FBLN1: variants seen among roughly 807,000 people sequenced by gnomAD.
The protein encoded by FBLN1 is fibulin-1.
In FBLN1, 34 loss-of-function variants were observed where a neutral mutation model predicts 89.7. That is an observed-to-expected ratio of 0.38 (90% CI 0.29 to 0.50). FBLN1 has a LOEUF of 0.50. Ranked by LOEUF, FBLN1 falls within the 20% of genes least tolerant of loss-of-function variation. The pLI is 0.92. For synonymous variants in FBLN1, 393 were observed against 391.3 expected (o/e 1.00, Z -0.05); for missense variants, 777 against 988.1 (o/e 0.79, Z 2.86).
At chr22:45,548,155 T>C (rs2088655520) in intron 12 of FBLN1, among the ~76,000 whole-genome samples, 1 of 152,102 alleles carries the variant, frequency 6.6e-6, no homozygotes, top group Admixed American at 6.5e-5. Flanking sequence ...ATCTAGCAAT[T>C]CTCCCACCTC....
At chr22:45,529,772 AG>A (rs1482114653) in intron 4 of FBLN1, among the ~76,000 whole-genome samples, 1 of 152,168 alleles carries the variant, frequency 6.6e-6, no homozygotes, top group Admixed American at 6.5e-5. Flanking sequence ...AGGCTGAGGC[AG>A]GGAGAATCGC....
rs2088550106 is a variant in FBLN1, at chr22:45,541,147, G to A, written c.923-82G>A. 2.6e-6 allele frequency: 4 copies of A among 1,567,782 alleles called. No homozygotes were observed. In the South Asian group the frequency reaches 4.5e-5, roughly 17 times the overall value. Reference sequence around the variant, plus strand: ...TGGTTTTGCAAAGAGGTGGGAAGGGGAGTTTCTTTGGAGATCCAGTTTTTG... The same window carrying A: ...TGGTTTTGCAAAGAGGTGGGAAGGGAAGTTTCTTTGGAGATCCAGTTTTTG... On this transcript the variant is annotated intron_variant, in intron 8 of 16. Transcript: ENST00000327858.
intron 1 of FBLN1, among the ~76,000 whole-genome samples, chr22:45,511,902 C>T (rs2088106751): frequency 6.6e-6 from 1 of 152,170 alleles, no homozygotes; most frequent in South Asian, 2.1e-4. Context: ...AGAGTTTGCT[C>T]TTGGTTTATA....
At chr22:45,526,178 C>T (rs1379829510) in intron 3 of FBLN1, among the ~76,000 whole-genome samples, 1 of 152,146 alleles carries the variant, frequency 6.6e-6, no homozygotes, top group Non-Finnish European at 1.5e-5. Context: ...TCAGAGAGGC[C>T]CAGCCTCCAA....
rs1174877493 is a variant in FBLN1, at chr22:45,573,688, A to AAAAAC, written c.1698-819_1698-818insCAAAA. Among the ~76,000 whole-genome samples, 750 of 149,116 alleles carry AAAAAC rather than the reference A, an allele frequency of 5.0e-3. 19 individuals carry two copies. The highest frequency in any genetic ancestry group is 0.017 in the African/African-American group (703 of 40,486). On this transcript the variant is annotated intron_variant, in intron 14 of 16. Transcript: ENST00000327858. ...AGAGCGAGACTCTGTCTCAAAAAAA[A>AAAAAC]AAAAAAAAAAAAACCCAAGTAGAGC...
intron 8 of FBLN1, among the ~76,000 whole-genome samples, chr22:45,535,812 G>C (rs9614692): frequency 1.3e-5 from 2 of 152,166 alleles, no homozygotes; most frequent in African/African-American, 4.8e-5. Flanking sequence ...GAGTACTTGC[G>C]AAGTACTGGT....
Position 45,563,390 on chromosome 22 carries a change from A to G in FBLN1, c.1698-11121A>G. 6.5e-7 allele frequency: 1 copy of G among 1,537,284 alleles called. No homozygotes were observed. Among genetic ancestry groups the G allele is most frequent in the Non-Finnish European group, 8.7e-7 (1 of 1,147,972 alleles). On this transcript the variant is annotated intron_variant, in intron 14 of 16. Coordinates refer to ENST00000327858, the MANE Select transcript of FBLN1 (RefSeq NM_006486.3). This position sits in a 1 kb window ranked among gnomAD's most constrained non-coding sequence, Gnocchi z 5.7. ...CTCGCGTGCCTTGGTTTTATTTGGC[A>G]TGGTTGGGAGTCTGTGCCGCTTGTT...
At chr22:45,566,734 A>C (rs1388668311) in intron 14 of FBLN1, among the ~76,000 whole-genome samples, 1 of 152,164 alleles carries the variant, frequency 6.6e-6, no homozygotes, top group East Asian at 1.9e-4. Context: ...TTTCATTGAA[A>C]TGGGGATGAA....
At position 45,572,229 on chromosome 22, in the gene FBLN1, T is replaced by C. The variant is rs1009504049; in HGVS notation, c.1698-2282T>C. ...GATTCCAGGTCTTGGGCAGTAAAAG[T>C]GTAAAATGAGGCTGGATCATCTCGT... is the stretch of plus-strand genomic sequence containing the variant. On this transcript the variant is annotated intron_variant, in intron 14 of 16. Transcript: ENST00000327858. This position sits in a 1 kb window ranked among gnomAD's most constrained non-coding sequence, Gnocchi z 5.8. 2.6e-5 allele frequency among the ~76,000 whole-genome samples: 4 copies of C among 152,168 alleles called. No homozygotes were observed. Among genetic ancestry groups the C allele is most frequent in the Non-Finnish European group, 4.4e-5 (3 of 68,026 alleles).
chr22:45,584,676 G>A (rs1448441813), intron 16 of FBLN1, among the ~76,000 whole-genome samples: 1 of 152,078 alleles, frequency 6.6e-6, no homozygotes, highest in Admixed American at 6.5e-5. Flanking sequence ...GAGGATAAAT[G>A]AGCCGCTGGG....
At chr22:45,518,195 T>C (rs1269621945) in intron 1 of FBLN1, among the ~76,000 whole-genome samples, 2 of 152,070 alleles carry the variant, frequency 1.3e-5, no homozygotes, top group Non-Finnish European at 2.9e-5. Flanking sequence ...CTCGTTGCAT[T>C]TTGAACCCCC....
At position 45,579,986 on chromosome 22, in the gene FBLN1, T is replaced by C. The variant is rs551564620; in HGVS notation, c.1972+2878T>C. Reference sequence around the variant, plus strand: ...CCCTGAAAACGTGGGGTTGAACCCTTGCCGGCTCCTTACCGTTGCTGGGCA... The same window carrying C: ...CCCTGAAAACGTGGGGTTGAACCCTCGCCGGCTCCTTACCGTTGCTGGGCA... On this transcript the variant is annotated intron_variant, in intron 16 of 16. Coordinates refer to ENST00000327858, the MANE Select transcript of FBLN1 (RefSeq NM_006486.3). This position sits in a 1 kb window ranked among gnomAD's most constrained non-coding sequence, Gnocchi z 5.5. Among the ~76,000 whole-genome samples, 851 of 152,130 alleles carry C rather than the reference T, an allele frequency of 5.6e-3. 5 individuals carry two copies. Among genetic ancestry groups the C allele is most frequent in the African/African-American group, 0.019 (804 of 41,518 alleles).
chr22:45,516,799 G>A (rs898419970), intron 1 of FBLN1, among the ~76,000 whole-genome samples: 2 of 152,236 alleles, frequency 1.3e-5, no homozygotes. Flanking sequence ...ACCTTGCACT[G>A]CAGAAAGCAG....
chr22:45,583,310 G>A lies in FBLN1; in HGVS notation c.1972+6202G>A, dbSNP rs937719827. On this transcript the variant is annotated intron_variant, in intron 16 of 16. Transcript: ENST00000327858. The surrounding 1 kb of genome is among the most constrained non-coding windows in gnomAD (Gnocchi z 4.5). ...GGGTTTGGGTCCTCAGCTCCTGGCCGGGGCAAGTCTGGCCAAGCAGCATGG... is the reference window on the plus strand; with the variant it reads ...GGGTTTGGGTCCTCAGCTCCTGGCCAGGGCAAGTCTGGCCAAGCAGCATGG... Among the ~76,000 whole-genome samples the A allele has an allele frequency of 6.6e-6, 1 of 151,458 alleles. No homozygotes were observed. Among genetic ancestry groups the A allele is most frequent in the African/African-American group, 2.4e-5 (1 of 41,366 alleles).
rs2089060903 is a variant in FBLN1, at chr22:45,583,711, G to A, written c.1972+6603G>A. On this transcript the variant is annotated intron_variant, in intron 16 of 16. Coordinates refer to ENST00000327858, the MANE Select transcript of FBLN1 (RefSeq NM_006486.3). This position sits in a 1 kb window ranked among gnomAD's most constrained non-coding sequence, Gnocchi z 4.5. Reference sequence around the variant, plus strand: ...ATCAACACAGGAAGTAACAGAAGCAGCTAGTTACTCACAGGTCCTAGAGAG... The same window carrying A: ...ATCAACACAGGAAGTAACAGAAGCAACTAGTTACTCACAGGTCCTAGAGAG... Among the ~76,000 whole-genome samples the A allele has an allele frequency of 6.6e-6, 1 of 152,194 alleles. No individual in the cohort carries two copies. The highest frequency in any genetic ancestry group is 1.5e-5 in the Non-Finnish European group (1 of 68,036).
chr22:45,565,815 A>C (rs1048854626), intron 14 of FBLN1: 1 of 154,268 alleles, frequency 6.5e-6, no homozygotes, highest in Non-Finnish European at 1.4e-5. Context: ...TAATCCCAGC[A>C]CTTTGGGAGG....
At position 45,549,907 on chromosome 22, in the gene FBLN1, G is replaced by A. The variant is rs933298128; in HGVS notation, c.1574-585G>A. ...ACCAACCCCAACACACAGGCAAGAC[G>A]TATGATCCCTCGAAGGCTGTTTTTC... On this transcript the variant is annotated intron_variant, in intron 13 of 16. Coordinates refer to ENST00000327858, the MANE Select transcript of FBLN1 (RefSeq NM_006486.3). This position sits in a 1 kb window ranked among gnomAD's most constrained non-coding sequence, Gnocchi z 5.7. Among the ~76,000 whole-genome samples, 7 of 152,200 alleles carry A rather than the reference G, an allele frequency of 4.6e-5. No individual in the cohort carries two copies. Among genetic ancestry groups the A allele is most frequent in the East Asian group, 3.9e-4 (2 of 5,192 alleles).
intron 14 of FBLN1, among the ~76,000 whole-genome samples, chr22:45,552,373 G>A (rs923769161): frequency 6.6e-6 from 1 of 152,214 alleles, no homozygotes; most frequent in African/African-American, 2.4e-5. Flanking sequence ...TGCAGTAAGG[G>A]ATTGAGCTGC....
intron 11 of FBLN1, 118 bp from the exon 12 acceptor site, chr22:45,546,966 TC>T: frequency 6.6e-7 from 1 of 1,519,826 alleles, no homozygotes; most frequent in East Asian, 2.3e-5. Flanking sequence ...CCTCTGTCTC[TC>T]CGAGTGTGTT....
Sources: allele counts gnomAD v4.1 joint callset (sites outside exome capture counted in the v4.1 genomes callset), GRCh38; gene constraint gnomAD v4.1.1; non-coding constraint Gnocchi (gnomAD v3.1); transcripts MANE v1.5; gene names NCBI Gene and HGNC (gene_info 2026-07-23, HGNC 2026-07-21).